PAXBP1: variants seen among roughly 807,000 people sequenced by gnomAD.
PAXBP1 encodes PAX3- and PAX7-binding protein 1.
PAXBP1 carries 44 observed loss-of-function variants against 119.9 expected under a neutral mutation model. The ratio of observed to expected loss-of-function variants is 0.37; its 90% CI spans 0.29 to 0.47. The LOEUF is 0.47. PAXBP1 is among the 20% of genes least tolerant of loss of function. The pLI, the probability that PAXBP1 is intolerant of heterozygous loss-of-function variation, is 0.99. For synonymous variants in PAXBP1, 393 were observed against 406.6 expected, an observed-to-expected ratio of 0.97 and a Z score of 0.40; for missense variants, 898 against 1,134.1, an observed-to-expected ratio of 0.79 and a Z score of 2.99.
Position 32,771,679 on chromosome 21 carries a change from C to T in PAXBP1, c.-11G>A, listed in dbSNP as rs1344913144. 5.7e-6 allele frequency: 8 copies of T among 1,394,664 alleles called. No individual in the cohort carries two copies. Among genetic ancestry groups the T allele is most frequent in the Non-Finnish European group, 6.5e-6 (7 of 1,079,424 alleles). The allele number at this position is 1,394,664 out of a possible 1,614,324, so 86.4% of individuals were successfully genotyped here. On this transcript the variant is annotated 5_prime_UTR_variant, in exon 1 of 18. Coordinates refer to ENST00000331923, the MANE Select transcript of PAXBP1 (RefSeq NM_016631.4). ...GGCCTTTCGGAACATCCCCGCGGCC[C>T]GCACGGCGGTCGAATACTCGCTTCC...
chr21:32,768,455 A>G (rs2044279609), intron 2 of PAXBP1, among the ~76,000 whole-genome samples: 1 of 152,224 alleles, frequency 6.6e-6, no homozygotes, highest in Non-Finnish European at 1.5e-5. Context: ...AAGCCTATCA[A>G]TTCTTCCCTT....
intron 8 of PAXBP1, among the ~76,000 whole-genome samples, chr21:32,753,102 A>G (rs1482867822): frequency 6.6e-6 from 1 of 152,162 alleles, no homozygotes; most frequent in Non-Finnish European, 1.5e-5. Context: ...ATTAGCTAAA[A>G]TATCCCAAAC....
rs777782537 is a variant in PAXBP1, at chr21:32,741,546, C to T, written c.2334+1702G>A. The T allele has an allele frequency of 6.4e-6, 5 of 777,348 alleles. No homozygotes were observed. In the Admixed American group the frequency reaches 8.5e-5, roughly 13 times the overall value. The allele number at this position is 777,348 out of a possible 1,614,324, so 48.2% of individuals were successfully genotyped here. On this transcript the variant is annotated intron_variant, in intron 15 of 17. Coordinates refer to ENST00000331923, the MANE Select transcript of PAXBP1 (RefSeq NM_016631.4). ...AACACAAGGCCTGTCCGTCCAGATT[C>T]TTCTTGGCCTCTCTGAGCAGCATTC...
chr21:32,770,698 T>C (rs1049330845), intron 1 of PAXBP1, among the ~76,000 whole-genome samples: 13 of 152,206 alleles, frequency 8.5e-5, no homozygotes. Context: ...TTGGAGAAAC[T>C]ACCTTGCTTT....
At chr21:32,760,772 T>C (rs1237473272) in intron 5 of PAXBP1, among the ~76,000 whole-genome samples, 1 of 152,126 alleles carries the variant, frequency 6.6e-6, no homozygotes, top group Non-Finnish European at 1.5e-5. Flanking sequence ...GTAATGCTAA[T>C]GCTAACTGAA....
In PAXBP1 at chr21:32,771,512, C is replaced by T; in HGVS notation, c.157G>A (p.Gly53Arg). 1 of 1,327,782 alleles carries T rather than the reference C, an allele frequency of 7.5e-7. No individual in the cohort carries two copies. Among genetic ancestry groups the T allele is most frequent in the Non-Finnish European group, 9.6e-7 (1 of 1,044,802 alleles). 82.3% of individuals were successfully genotyped at this position (1,327,782 alleles called of 1,614,324 possible). Residue 53 changes from glycine to arginine, a missense_variant, in exon 1 of 18, where the codon GGG becomes AGG. This residue lies in a region of PAXBP1 where 299 missense variants were observed against 281.4 expected (regional missense o/e 1.06). Transcript: ENST00000331923. ...GGCCCCGGGCCCAGCAGCGACTCCC[C>T]GCCAGGGGCCCTGTCGCCGCCACCG... ...GPGGGDRAPG[G>R]ESLLGPGPSP...
intron 7 of PAXBP1, chr21:32,755,711 CCAG>C (rs1200832894): frequency 6.2e-6 from 1 of 160,926 alleles, no homozygotes; most frequent in Non-Finnish European, 1.3e-5. Context: ...TTTTAATTTT[CCAG>C]CAGCATTATC....
intron 1 of PAXBP1, 34 bp from the exon 2 acceptor site, chr21:32,769,976 C>T: frequency 6.9e-7 from 1 of 1,445,060 alleles, no homozygotes. Context: ...TCTGTAGCAA[C>T]TATTTTCTGA....
chr21:32,736,397 C>T (rs1281318033), intron 17 of PAXBP1, among the ~76,000 whole-genome samples: 2 of 152,086 alleles, frequency 1.3e-5, no homozygotes, highest in African/African-American at 4.8e-5. Flanking sequence ...CCATGTTGGC[C>T]AGGATGGTCT....
chr21:32,759,270 C>T lies in PAXBP1; in HGVS notation c.1194-1G>A. 1 of 1,612,938 alleles carries T rather than the reference C, an allele frequency of 6.2e-7. No individual in the cohort carries two copies. Among genetic ancestry groups the T allele is most frequent in the Non-Finnish European group, 8.5e-7 (1 of 1,179,434 alleles). ...GTGCAATTCTTTCATGGAGTCCAAC[C>T]TTAGGAACACAAAAGGATAAATATA... On this transcript the variant is annotated splice_acceptor_variant, in intron 6 of 17. Coordinates refer to ENST00000331923, the MANE Select transcript of PAXBP1 (RefSeq NM_016631.4). LOFTEE classifies it high-confidence loss of function.
rs1230891940 is a variant in PAXBP1, at chr21:32,734,716, A to G, written c.*234T>C. On this transcript the variant is annotated 3_prime_UTR_variant, in exon 18 of 18. Coordinates refer to ENST00000331923, the MANE Select transcript of PAXBP1 (RefSeq NM_016631.4). ...GGGTTAATTTAAATGACCATACAAA[A>G]TACTTCAGTAAACAAAGTATGACAG... 3.8e-6 allele frequency: 2 copies of G among 529,534 alleles called. No individual in the cohort carries two copies. Among genetic ancestry groups the G allele is most frequent in the Non-Finnish European group, 6.7e-6 (2 of 299,194 alleles). The allele number at this position is 529,534 out of a possible 1,614,324, so 32.8% of individuals were successfully genotyped here. A position where few individuals can be genotyped will look rare whatever the true frequency, so the allele number is the denominator to read the frequency against.
At chr21:32,760,055 G>T in intron 5 of PAXBP1, 61 bp from the exon 6 acceptor site, 1 of 1,327,686 alleles carries the variant, frequency 7.5e-7, no homozygotes, top group Non-Finnish European at 1.0e-6. Flanking sequence ...ATAATAATAT[G>T]CCTTTAGGGT....
chr21:32,760,890 TGTGCGTGCGTGC>T (rs202232037), intron 5 of PAXBP1, among the ~76,000 whole-genome samples, 157 bp downstream of exon 5: 1 of 147,646 alleles, frequency 6.8e-6, no homozygotes, highest in African/African-American at 2.5e-5. Flanking sequence ...CGTGTCTCTG[TGTGCGTGCGTGC>T]GTGTGTGTGT....
chr21:32,762,370 T>C (rs1315521863), intron 3 of PAXBP1, 53 bp from the exon 4 acceptor site: 13 of 1,544,882 alleles, frequency 8.4e-6, no homozygotes, highest in Admixed American at 2.1e-5. Context: ...AGTTTCTATT[T>C]TCTTGAAAAT....
Position 32,764,425 on chromosome 21 carries a change from C to G in PAXBP1, c.572G>C (p.Ser191Thr). The G allele has an allele frequency of 1.2e-6, 2 of 1,613,868 alleles. No individual in the cohort carries two copies. Among genetic ancestry groups the G allele is most frequent in the Non-Finnish European group, 8.5e-7 (1 of 1,179,886 alleles). The change falls in exon 3 of 18, where the codon AGT becomes ACT. Residue 191 changes from serine (S) to threonine (T), a missense_variant. By Grantham distance (58) the Ser-to-Thr change is moderately conservative (BLOSUM62 1). Coordinates refer to ENST00000331923, the MANE Select transcript of PAXBP1 (RefSeq NM_016631.4). ...CTTTGGCTTTTCTTCCTCTTTTTCA[C>G]TTTCCATATCCATTTCATCTTCACC... ...EHGEDEMDMESEKEEEKPKTG... is the reference protein window; with the variant it reads ...EHGEDEMDMETEKEEEKPKTG...
Position 32,735,040 on chromosome 21 carries a change from G to A in PAXBP1, c.2664C>T (p.Leu888=). The change falls in exon 18 of 18, where the codon CTC becomes CTT. Residue 888 remains leucine, a synonymous_variant. Coordinates refer to ENST00000331923, the MANE Select transcript of PAXBP1 (RefSeq NM_016631.4). ...ARENIKQIVK[L]LASVRALDHA... is the part of the protein sequence containing the mutation. Reference sequence around the variant, plus strand: ...GATCCAAAGCTCGAACACTTGCAAGGAGTTTTACTATCTGTTTTATGTTTT... The same window carrying A: ...GATCCAAAGCTCGAACACTTGCAAGAAGTTTTACTATCTGTTTTATGTTTT... 6.2e-7 allele frequency: 1 copy of A among 1,613,334 alleles called. No homozygotes were observed. Among genetic ancestry groups the A allele is most frequent in the African/African-American group, 1.3e-5 (1 of 74,990 alleles).
chr21:32,762,301 T>C lies in PAXBP1; in HGVS notation c.666A>G (p.Ala222=), dbSNP rs1273083525. The C allele has an allele frequency of 6.2e-7, 1 of 1,613,616 alleles. No individual in the cohort carries two copies. Among genetic ancestry groups the C allele is most frequent in the African/African-American group, 1.3e-5 (1 of 74,920 alleles). ...NVLRPGEIPD[A]AFIHAARKKR... is the part of the protein sequence containing the mutation. ...TTTTCCTTGCAGCATGTATAAAAGCTGCATCTGGAATTTCTCCTAGAAACA... is the reference window on the plus strand; with the variant it reads ...TTTTCCTTGCAGCATGTATAAAAGCCGCATCTGGAATTTCTCCTAGAAACA... The change falls in exon 4 of 18, where the codon GCA becomes GCG. Residue 222 remains alanine (A), a synonymous_variant. Transcript: ENST00000331923.
At chr21:32,738,614 T>C (rs1239160958) in intron 15 of PAXBP1, among the ~76,000 whole-genome samples, 3 of 152,100 alleles carry the variant, frequency 2.0e-5, no homozygotes, top group Admixed American at 2.0e-4. Flanking sequence ...TGCTGAGTCT[T>C]AGGTAAGTGT....
intron 7 of PAXBP1, among the ~76,000 whole-genome samples, chr21:32,757,842 G>C (rs1315751943): frequency 1.3e-5 from 2 of 152,218 alleles, no homozygotes; most frequent in African/African-American, 4.8e-5. Flanking sequence ...GGACATGACT[G>C]TCAACTCTTG....
Sources: allele counts gnomAD v4.1 joint callset (sites outside exome capture counted in the v4.1 genomes callset), GRCh38; gene constraint gnomAD v4.1.1; regional missense constraint gnomAD v4.1.1; transcripts MANE v1.5; gene names NCBI Gene and HGNC (gene_info 2026-07-23, HGNC 2026-07-21).